The following CDH18 variants were observed in gnomAD, a reference collection of about 807,000 sequenced individuals.
CDH18 encodes cadherin-18.
In CDH18, 31 loss-of-function variants were observed where a neutral mutation model predicts 67.9. That is an observed-to-expected ratio of 0.46 (90% confidence interval 0.34 to 0.62). The LOEUF is 0.62. CDH18 is among the 20% of genes least tolerant of loss of function. The pLI is 0.01. For missense variants in CDH18, 890 were observed against 975.5 expected, an observed-to-expected ratio of 0.91 and a Z score of 1.17; for synonymous variants, 362 against 347.2, an observed-to-expected ratio of 1.04 and a Z score of -0.48.
At chr5:20,268,401 C>A (rs1010508860) in intron 1 of CDH18, among the ~76,000 whole-genome samples, 1 of 151,980 alleles carries the variant, frequency 6.6e-6, no homozygotes, top group Admixed American at 6.6e-5. Flanking sequence ...TTTCTCTTGC[C>A]TGATTGTTCT....
At chr5:20,064,532 T>G (rs1374452964) in intron 2 of CDH18, among the ~76,000 whole-genome samples, 3 of 152,166 alleles carry the variant, frequency 2.0e-5, no homozygotes, top group African/African-American at 7.2e-5. Flanking sequence ...TTAAAATTGC[T>G]GTATGATTTT....
At chr5:20,163,278 AAATT>A (rs1015806598) in intron 2 of CDH18, among the ~76,000 whole-genome samples, 10 of 152,110 alleles carry the variant, frequency 6.6e-5, no homozygotes, top group Admixed American at 6.6e-5. Flanking sequence ...TAACAATATA[AAATT>A]AATTACTTAG....
chr5:19,485,085 A>C (rs1740150545), intron 11 of CDH18, among the ~76,000 whole-genome samples: 1 of 152,188 alleles, frequency 6.6e-6, no homozygotes, highest in Non-Finnish European at 1.5e-5. Context: ...TAAAAAAGCT[A>C]ATTTTTAAAA....
chr5:19,820,957 G>A (rs1028550621), intron 3 of CDH18, among the ~76,000 whole-genome samples: 4 of 152,120 alleles, frequency 2.6e-5, no homozygotes, highest in Non-Finnish European at 5.9e-5. Flanking sequence ...AAGCTTCATC[G>A]CAATAACAGA....
intron 1 of CDH18, among the ~76,000 whole-genome samples, chr5:20,520,574 A>G (rs1755686137): frequency 6.6e-6 from 1 of 152,134 alleles, no homozygotes; most frequent in Non-Finnish European, 1.5e-5. Context: ...ATACAAGGGT[A>G]GTGAGGCATT....
intron 1 of CDH18, among the ~76,000 whole-genome samples, chr5:20,257,231 G>A (rs1744320968): frequency 1.3e-5 from 2 of 152,052 alleles, no homozygotes; most frequent in South Asian, 2.1e-4. Context: ...AGGAACTGGT[G>A]TTAATCATAA....
intron 1 of CDH18, among the ~76,000 whole-genome samples, chr5:20,312,694 G>A (rs962134004): frequency 6.6e-6 from 1 of 151,992 alleles, no homozygotes; most frequent in Non-Finnish European, 1.5e-5. Context: ...TTAATAATTT[G>A]ATCAAAATTC....
chr5:19,594,875 A>T (rs956974452), intron 6 of CDH18, among the ~76,000 whole-genome samples: 7 of 152,196 alleles, frequency 4.6e-5, no homozygotes, highest in Non-Finnish European at 8.8e-5. Context: ...TAAGATCAGG[A>T]ACAAAGCAAG....
chr5:20,480,017 A>G lies in CDH18; in HGVS notation c.-580+95445T>C, dbSNP rs546089635. Among the ~76,000 whole-genome samples the G allele has an allele frequency of 1.9e-4, 29 of 152,322 alleles. 1 individual carries two copies. In the South Asian group the frequency reaches 5.8e-3, roughly 30 times the overall value. On this transcript the variant is annotated intron_variant, in intron 1 of 14. Coordinates refer to the CDH18 transcript ENST00000507958. Reference sequence around the variant, plus strand: ...TGCTGAGATAAATAAATTTTATCGTAGAATAATATATTCAGCAAAAATATC... The same window carrying G: ...TGCTGAGATAAATAAATTTTATCGTGGAATAATATATTCAGCAAAAATATC...
Position 19,473,071 on chromosome 5 carries a change from A to G in CDH18, c.*155T>C. ...TTACTTTCTTCCAATTAAATAACCC[A>G]GTTTCGATCATGAAAAGGGCACTTG... is the stretch of plus-strand genomic sequence containing the variant. On this transcript the variant is annotated 3_prime_UTR_variant, in exon 13 of 13. Transcript: ENST00000382275. 1 of 715,328 alleles carries G rather than the reference A, an allele frequency of 1.4e-6. No homozygotes were observed. 44.3% of individuals were successfully genotyped at this position (715,328 alleles called of 1,614,324 possible). A position where few individuals can be genotyped will look rare whatever the true frequency, so the allele number is the denominator to read the frequency against.
intron 2 of CDH18, among the ~76,000 whole-genome samples, chr5:19,887,896 G>A (rs1047778027): frequency 6.6e-6 from 1 of 151,992 alleles, no homozygotes; most frequent in Non-Finnish European, 1.5e-5. Context: ...TATGGTGTGA[G>A]ACAAAGGTCA....
chr5:19,511,847 C>G (rs1037482669), intron 10 of CDH18, among the ~76,000 whole-genome samples: 1 of 152,128 alleles, frequency 6.6e-6, no homozygotes, highest in Non-Finnish European at 1.5e-5. Context: ...AAAGACAAAA[C>G]CATTTTCTGA....
chr5:19,678,737 C>A (rs1759847687), intron 5 of CDH18, among the ~76,000 whole-genome samples: 1 of 151,888 alleles, frequency 6.6e-6, no homozygotes, highest in Non-Finnish European at 1.5e-5. Flanking sequence ...TACAACCTCC[C>A]AAGACTCGAC....
At position 19,590,587 on chromosome 5, in the gene CDH18, C is replaced by A. The variant is rs150912538; in HGVS notation, c.999+470G>T. Among the ~76,000 whole-genome samples, 108 of 152,126 alleles carry A rather than the reference C, an allele frequency of 7.1e-4. 1 individual carries two copies. The East Asian group carries it at 0.019, about 27-fold the overall frequency. On this transcript the variant is annotated intron_variant, in intron 7 of 12. Coordinates refer to ENST00000382275, the MANE Select transcript of CDH18 (RefSeq NM_004934.5). ...CAGTAGGCACATTAGAATAAAATATCTCAGCCTGTTATCTAAATAGTTCTA... is the reference window on the plus strand; with the variant it reads ...CAGTAGGCACATTAGAATAAAATATATCAGCCTGTTATCTAAATAGTTCTA...
Position 20,530,425 on chromosome 5 carries a change from G to A in CDH18, c.-580+45037C>T, listed in dbSNP as rs903866305. Reference sequence around the variant, plus strand: ...TGGAACTGAAAAAGAATACAATATAGCCAGGACAATCCTAAGCTAAAAGAA... The same window carrying A: ...TGGAACTGAAAAAGAATACAATATAACCAGGACAATCCTAAGCTAAAAGAA... On this transcript the variant is annotated intron_variant, in intron 1 of 14. Coordinates refer to the CDH18 transcript ENST00000507958. Among the ~76,000 whole-genome samples, 3 of 151,830 alleles carry A rather than the reference G, an allele frequency of 2.0e-5. 1 individual carries two copies. The highest frequency in any genetic ancestry group is 7.3e-5 in the African/African-American group (3 of 41,282).
chr5:20,519,291 T>A (rs915583690), intron 1 of CDH18, among the ~76,000 whole-genome samples: 21 of 152,110 alleles, frequency 1.4e-4, no homozygotes, highest in African/African-American at 5.1e-4. Flanking sequence ...TATGCAGCCA[T>A]AAAAAATGAT....
At chr5:20,545,751 T>G (rs1197876976) in intron 1 of CDH18, among the ~76,000 whole-genome samples, 1 of 152,188 alleles carries the variant, frequency 6.6e-6, no homozygotes, top group Non-Finnish European at 1.5e-5. Flanking sequence ...TGATATGCCC[T>G]GGAGACATTC....
intron 10 of CDH18, among the ~76,000 whole-genome samples, chr5:19,519,280 C>T (rs534621126): frequency 7.9e-5 from 12 of 152,154 alleles, no homozygotes; most frequent in Non-Finnish European, 1.6e-4. Flanking sequence ...TTTTCCCTGA[C>T]GGGACTAAAA....
chr5:19,479,819 G>A lies in CDH18; in HGVS notation c.1882+3482C>T, dbSNP rs559926033. Among the ~76,000 whole-genome samples the A allele has an allele frequency of 8.3e-4, 127 of 152,194 alleles. 1 individual carries two copies. Among genetic ancestry groups the A allele is most frequent in the African/African-American group, 3.0e-3 (125 of 41,522 alleles). On this transcript the variant is annotated intron_variant, in intron 12 of 12. Transcript: ENST00000382275. ...AAATATGCTTTTACAGCATATTTGA[G>A]TTTCAACTAATAAAAATGAAAAAGT...
Sources: gnomAD v4.1 joint callset for allele counts (sites outside exome capture counted in the v4.1 genomes callset) on GRCh38, gnomAD v4.1.1 for gene constraint, MANE v1.5 for transcripts, NCBI Gene and HGNC (gene_info 2026-07-23, HGNC 2026-07-21) for gene names.